Variants in FOXP1 observed in about 807,000 individuals in gnomAD.
FOXP1 encodes forkhead box protein P1.
FOXP1 carries 15 observed loss-of-function variants against 98.2 expected under a neutral mutation model. The observed-to-expected ratio is 0.15, with a 90% CI of 0.10 to 0.24. The LOEUF is 0.24. Among genes scored for constraint, FOXP1 ranks in the 10% least tolerant of loss-of-function variants. FOXP1 has a pLI of 1.00. For missense variants in FOXP1, 633 were observed against 848.5 expected, an observed-to-expected ratio of 0.75 and a Z score of 3.15; for synonymous variants, 371 against 314.5, an observed-to-expected ratio of 1.18 and a Z score of -1.90.
At position 71,010,211 on chromosome 3, in the gene FOXP1, A is replaced by G. The variant is rs2043386492; in HGVS notation, c.974+5338T>C. 4.6e-5 allele frequency among the ~76,000 whole-genome samples: 7 copies of G among 152,184 alleles called. No homozygotes were observed. In the South Asian group the frequency reaches 1.5e-3, roughly 32 times the overall value. Reference sequence around the variant, plus strand: ...AGGCTTTCTCCAAAACTTTCTTTACATCCACTGCCAAGCAGAAAGCAAACT... The same window carrying G: ...AGGCTTTCTCCAAAACTTTCTTTACGTCCACTGCCAAGCAGAAAGCAAACT... On this transcript the variant is annotated intron_variant, in intron 12 of 20. Transcript: ENST00000649528.
At chr3:71,029,003 T>C (rs1422260683) in intron 11 of FOXP1, among the ~76,000 whole-genome samples, 2 of 152,180 alleles carry the variant, frequency 1.3e-5, no homozygotes, top group Non-Finnish European at 2.9e-5. Flanking sequence ...TAAATACAGA[T>C]GGAACTTCAC....
At chr3:71,178,360 T>C (rs1478024056) in intron 6 of FOXP1, among the ~76,000 whole-genome samples, 1 of 151,732 alleles carries the variant, frequency 6.6e-6, no homozygotes, top group African/African-American at 2.4e-5. Context: ...GGTCTCAGTC[T>C]CCTGACCTCG....
In FOXP1 at chr3:71,261,506, T is replaced by G. The variant is rs114021383; in HGVS notation, c.-12+38314A>C. The stretch of plus-strand genomic sequence containing the variant: ...CAAAATATTATAATAGAAATCTACA[T>G]TTGCTAAGATCTGATGTAATGCTGA... On this transcript the variant is annotated intron_variant, in intron 5 of 20. Transcript: ENST00000649528. 4.6e-3 allele frequency among the ~76,000 whole-genome samples: 706 copies of G among 152,298 alleles called. 2 individuals are homozygous for G. The highest frequency in any genetic ancestry group is 0.015 in the African/African-American group (644 of 41,572).
chr3:71,292,866 C>T (rs1191801758), intron 5 of FOXP1, among the ~76,000 whole-genome samples: 7 of 152,086 alleles, frequency 4.6e-5, no homozygotes, highest in Admixed American at 6.6e-5. Context: ...CAAACTGAAA[C>T]GATTCATCTT....
intron 11 of FOXP1, among the ~76,000 whole-genome samples, chr3:71,040,109 ATGTATCTCTGTGTGTGTGTG>A (rs2048142736): frequency 6.7e-6 from 1 of 150,282 alleles, no homozygotes; most frequent in South Asian, 2.1e-4. Context: ...GTGTGTATGT[ATGTATCTCTGTGTGTGTGTG>A]TGTATCTGTG....
intron 3 of FOXP1, among the ~76,000 whole-genome samples, chr3:71,451,554 C>CA (rs1456209335): frequency 2.0e-5 from 3 of 151,942 alleles, no homozygotes; most frequent in African/African-American, 7.3e-5. Flanking sequence ...TTAACACCCC[C>CA]AGTAATCCTT....
chr3:71,496,746 G>T (rs2091443532), intron 2 of FOXP1, among the ~76,000 whole-genome samples: 1 of 152,098 alleles, frequency 6.6e-6, no homozygotes, highest in African/African-American at 2.4e-5. Flanking sequence ...GTCGGAAGTT[G>T]CAGTGAGCTG....
chr3:70,957,245 A>C lies in FOXP1; in HGVS notation c.*2002T>G, dbSNP rs971030046. 2 of 225,358 alleles carry C rather than the reference A, an allele frequency of 8.9e-6. No homozygotes were observed. The highest frequency in any genetic ancestry group is 2.2e-5 in the African/African-American group (1 of 44,836). 14.0% of individuals were successfully genotyped at this position (225,358 alleles called of 1,614,324 possible). A position where few individuals can be genotyped will look rare whatever the true frequency, so the allele number is the denominator to read the frequency against. On this transcript the variant is annotated 3_prime_UTR_variant, in exon 21 of 21. Transcript: ENST00000649528. ...TGCAGTAGCCCCATAAAATCTCTTT[A>C]AGAGAATGAGTTTTGGTCTCTGTAG...
chr3:71,082,817 C>T (rs564886292), intron 7 of FOXP1, among the ~76,000 whole-genome samples: 41 of 152,260 alleles, frequency 2.7e-4, no homozygotes, highest in Non-Finnish European at 4.1e-4. Context: ...TGGGATTAAA[C>T]GTCGAATTGT....
At chr3:71,478,333 T>C (rs2090012347) in intron 3 of FOXP1, among the ~76,000 whole-genome samples, 1 of 152,124 alleles carries the variant, frequency 6.6e-6, no homozygotes, top group South Asian at 2.1e-4. Flanking sequence ...ATTCCCAGGA[T>C]CATGCCTGCA....
chr3:71,178,269 G>T (rs2062068129), intron 6 of FOXP1, among the ~76,000 whole-genome samples: 2 of 151,114 alleles, frequency 1.3e-5, no homozygotes, highest in Non-Finnish European at 1.5e-5. Context: ...CAAGTAGCTG[G>T]GATTACAGGC....
chr3:71,309,899 T>C (rs1339730488), intron 4 of FOXP1, among the ~76,000 whole-genome samples: 2 of 152,140 alleles, frequency 1.3e-5, no homozygotes, highest in African/African-American at 4.8e-5. Context: ...TCTGTTATCA[T>C]CAGACTTTAG....
chr3:70,992,080 C>G (rs374470632), intron 13 of FOXP1, among the ~76,000 whole-genome samples: 1 of 152,070 alleles, frequency 6.6e-6, no homozygotes, highest in Admixed American at 6.6e-5. Flanking sequence ...CAGATTATCC[C>G]ATACAATGAT....
chr3:71,207,047 A>G lies in FOXP1; in HGVS notation c.-11-8655T>C, dbSNP rs138908841. 2.7e-3 allele frequency among the ~76,000 whole-genome samples: 410 copies of G among 152,330 alleles called. 3 individuals carry two copies. The highest frequency in any genetic ancestry group is 9.2e-3 in the African/African-American group (382 of 41,580). ...GTGCTAGGCTGTTTGCTTTGCCACAAGGAAGCCTCTGAAGGTCAGGCATGA... is the reference window on the plus strand; with the variant it reads ...GTGCTAGGCTGTTTGCTTTGCCACAGGGAAGCCTCTGAAGGTCAGGCATGA... On this transcript the variant is annotated intron_variant, in intron 5 of 20. Transcript: ENST00000649528.
rs1258615734 is a variant in FOXP1 at position 71,083,044 on chromosome 3, G to T, written c.283-29271C>A. On this transcript the variant is annotated intron_variant, in intron 7 of 20. Transcript: ENST00000649528. ...GAGCCAACATCATCCGGGGGATGCA[G>T]GGGTGGATATAATGCTAGGTCCCAC... Among the ~76,000 whole-genome samples, 4 of 152,212 alleles carry T rather than the reference G, an allele frequency of 2.6e-5. No individual in the cohort carries two copies. In the South Asian group the frequency reaches 8.3e-4, roughly 31 times the overall value.
intron 11 of FOXP1, among the ~76,000 whole-genome samples, chr3:71,035,119 C>T (rs531869110): frequency 1.3e-5 from 2 of 152,160 alleles, no homozygotes; most frequent in South Asian, 4.1e-4. Context: ...TGATGCAGGT[C>T]TGGGGCAGGG....
chr3:71,250,648 C>T (rs192205880), intron 5 of FOXP1, among the ~76,000 whole-genome samples: 40 of 152,110 alleles, frequency 2.6e-4, no homozygotes, highest in African/African-American at 9.2e-4. Context: ...GTGTTTTTTG[C>T]GTTGGGCGCA....
intron 5 of FOXP1, among the ~76,000 whole-genome samples, chr3:71,224,647 C>A (rs576478573): frequency 6.6e-6 from 1 of 152,188 alleles, no homozygotes; most frequent in Admixed American, 6.5e-5. Flanking sequence ...GAGGGCCCAG[C>A]ACCCAGCACA....
chr3:71,325,047 C>T (rs181110264), intron 4 of FOXP1, among the ~76,000 whole-genome samples: 1 of 137,756 alleles, frequency 7.3e-6, no homozygotes, highest in East Asian at 2.5e-4. Flanking sequence ...TAGGTATAAT[C>T]CCTTGATTTT....
Sources: gnomAD v4.1 joint callset for allele counts (sites outside exome capture counted in the v4.1 genomes callset) on GRCh38, gnomAD v4.1.1 for gene constraint, MANE v1.5 for transcripts, NCBI Gene and HGNC (gene_info 2026-07-23, HGNC 2026-07-21) for gene names.